The following CARMIL1 variants were observed in gnomAD, a reference collection of about 807,000 sequenced individuals.
CARMIL1 encodes the protein F-actin-uncapping protein LRRC16A.
A neutral mutation model predicts 177.1 loss-of-function variants in CARMIL1; 90 were observed. That is an observed-to-expected ratio of 0.51 (90% CI 0.43 to 0.61). The LOEUF (loss-of-function observed/expected upper bound fraction) is 0.61. CARMIL1 is among the 20% of genes least tolerant of loss of function. CARMIL1 has a pLI of 0.00. For synonymous variants in CARMIL1, 577 were observed against 606.2 expected (o/e 0.95, Z 0.71); for missense variants, 1,380 against 1,667.0 (o/e 0.83, Z 3.00).
intron 31 of CARMIL1, among the ~76,000 whole-genome samples, chr6:25,583,443 C>G (rs1813318498): frequency 6.8e-6 from 1 of 147,880 alleles, no homozygotes; most frequent in Non-Finnish European, 1.5e-5. Context: ...TCTGTGTAGG[C>G]AGGGCCTGTG....
intron 2 of CARMIL1, among the ~76,000 whole-genome samples, chr6:25,338,375 G>C (rs1360347074): frequency 1.3e-5 from 2 of 152,168 alleles, no homozygotes; most frequent in Non-Finnish European, 1.5e-5. Context: ...CTATGAGAGT[G>C]TGCTGCTAAG....
chr6:25,392,599 A>G (rs1472495905), intron 2 of CARMIL1, among the ~76,000 whole-genome samples: 1 of 152,126 alleles, frequency 6.6e-6, no homozygotes. Context: ...ACTCCAGGGG[A>G]TGGCTCAGAT....
At chr6:25,583,324 C>T (rs1463186551) in intron 31 of CARMIL1, among the ~76,000 whole-genome samples, 1 of 152,216 alleles carries the variant, frequency 6.6e-6, no homozygotes, top group Non-Finnish European at 1.5e-5. Flanking sequence ...GTGCACAGTG[C>T]ACAGCCTGAG....
At chr6:25,400,069 G>A (rs2150576088) in intron 2 of CARMIL1, among the ~76,000 whole-genome samples, 1 of 152,282 alleles carries the variant, frequency 6.6e-6, no homozygotes, top group East Asian at 1.9e-4. Context: ...GAGAAGCGCT[G>A]TACCATTCAC....
At chr6:25,434,742 G>A (rs1208635880) in intron 4 of CARMIL1, among the ~76,000 whole-genome samples, 3 of 151,806 alleles carry the variant, frequency 2.0e-5, no homozygotes, top group Non-Finnish European at 4.4e-5. Flanking sequence ...AGTAGAGACA[G>A]GGTTTCACCA....
chr6:25,281,397 A>G (rs1002217301), intron 1 of CARMIL1, among the ~76,000 whole-genome samples: 2 of 152,096 alleles, frequency 1.3e-5, no homozygotes, highest in African/African-American at 4.8e-5. Flanking sequence ...AGTGGGTGGC[A>G]GATTTTTACT....
In CARMIL1 at chr6:25,554,037, C is replaced by G; in HGVS notation, c.2533C>G (p.Leu845Val). 3.1e-6 allele frequency: 5 copies of G among 1,602,110 alleles called. No homozygotes were observed. The highest frequency in any genetic ancestry group is 4.3e-6 in the Non-Finnish European group (5 of 1,174,128). Residue 845 changes from leucine (L) to valine (V), a missense_variant, in exon 28 of 37, where the codon CTG becomes GTG. Physicochemically the swap from Leu to Val is conservative, Grantham distance 32. Coordinates refer to ENST00000329474, the MANE Select transcript of CARMIL1 (RefSeq NM_017640.6). The surrounding 1 kb of genome is among the most constrained non-coding windows in gnomAD (Gnocchi z 4.6). ...AGTAAAATTGACAGTGGCCTCGTTC[C>G]TGTCTGATAGAATTGTGGATGAAAT... ...SEVKLTVASF[L>V]SDRIVDEILD... is the part of the protein sequence containing the mutation.
At chr6:25,543,470 G>C (rs773277958) in intron 26 of CARMIL1, among the ~76,000 whole-genome samples, 1 of 152,058 alleles carries the variant, frequency 6.6e-6, no homozygotes, top group Non-Finnish European at 1.5e-5. Context: ...ACACTCCCCT[G>C]TTTTCCCTCT....
chr6:25,492,155 G>T, intron 15 of CARMIL1, 131 bp downstream of exon 15: 2 of 685,944 alleles, frequency 2.9e-6, no homozygotes, highest in South Asian at 1.9e-5. Flanking sequence ...CATTATCTAT[G>T]AATATTAGTC....
At chr6:25,437,167 T>C (rs1257336709) in intron 5 of CARMIL1, among the ~76,000 whole-genome samples, 1 of 152,184 alleles carries the variant, frequency 6.6e-6, no homozygotes, top group Non-Finnish European at 1.5e-5. Flanking sequence ...TTTGTACATG[T>C]GTTTCTTTAT....
intron 2 of CARMIL1, among the ~76,000 whole-genome samples, chr6:25,416,480 G>A (rs1284103197): frequency 6.6e-6 from 1 of 152,220 alleles, no homozygotes; most frequent in Non-Finnish European, 1.5e-5. Context: ...ATAGGGTGCT[G>A]TGAGGATTAA....
intron 2 of CARMIL1, among the ~76,000 whole-genome samples, chr6:25,328,444 C>T (rs9393640): frequency 0.067 from 10,259 of 152,198 alleles, 520 homozygotes; most frequent in East Asian, 0.29. Context: ...AGAGCATGAG[C>T]TCTGTGGACA....
At chr6:25,435,652 T>C (rs1425766877) in intron 5 of CARMIL1, 48 bp downstream of exon 5, 34 of 1,521,668 alleles carry the variant, frequency 2.2e-5, no homozygotes, top group Non-Finnish European at 3.0e-5. Flanking sequence ...CTGTTCTTCC[T>C]CAAAACGGCA....
chr6:25,345,936 T>C (rs1787463966), intron 2 of CARMIL1, among the ~76,000 whole-genome samples: 1 of 152,220 alleles, frequency 6.6e-6, no homozygotes, highest in Non-Finnish European at 1.5e-5. Flanking sequence ...TCTTGATTTC[T>C]CTTTCTCACA....
chr6:25,452,180 T>A (rs777320250), intron 8 of CARMIL1: 4 of 764,614 alleles, frequency 5.2e-6, no homozygotes, highest in Non-Finnish European at 9.6e-6. Flanking sequence ...CTCAGCTGTG[T>A]CTGTAGTTGT....
Position 25,371,387 on chromosome 6 carries a change from G to GT in CARMIL1, c.139-48726dup, listed in dbSNP as rs565742890. On this transcript the variant is annotated intron_variant, in intron 2 of 36. Coordinates refer to ENST00000329474, the MANE Select transcript of CARMIL1 (RefSeq NM_017640.6). ...ATTCCCACCAGCAGTGTATAAGTAA[G>GT]TGTTCTCTTTTTACCACATCCATGC... Among the ~76,000 whole-genome samples, 363 of 152,278 alleles carry GT rather than the reference G, an allele frequency of 2.4e-3. 1 individual carries two copies. Among genetic ancestry groups the GT allele is most frequent in the African/African-American group, 7.8e-3 (323 of 41,556 alleles).
rs1454836166 is a variant in CARMIL1, at chr6:25,594,000, C to T, written c.3007-415C>T. ...GTAATAGCATCTACTATGTTCCATCCTTAGCAGCCAGCCTCACCCACACAC... is the reference window on the plus strand; with the variant it reads ...GTAATAGCATCTACTATGTTCCATCTTTAGCAGCCAGCCTCACCCACACAC... On this transcript the variant is annotated intron_variant, in intron 31 of 36. Transcript: ENST00000329474. Among the ~76,000 whole-genome samples the T allele has an allele frequency of 2.0e-5, 3 of 152,182 alleles. No homozygotes were observed. The South Asian group carries it at 6.2e-4, about 31-fold the overall frequency.
intron 2 of CARMIL1, among the ~76,000 whole-genome samples, chr6:25,312,120 G>T (rs534571364): frequency 2.0e-5 from 3 of 152,150 alleles, no homozygotes; most frequent in African/African-American, 7.2e-5. Context: ...AAGACATCTT[G>T]TCAAGGTGAA....
At chr6:25,594,954 C>T (rs1309190021) in intron 32 of CARMIL1, among the ~76,000 whole-genome samples, 1 of 152,144 alleles carries the variant, frequency 6.6e-6, no homozygotes, top group Non-Finnish European at 1.5e-5. Flanking sequence ...TTGAGCTTCT[C>T]CTTGTTCATA....
Sources: allele counts gnomAD v4.1 joint callset (sites outside exome capture counted in the v4.1 genomes callset), GRCh38; gene constraint gnomAD v4.1.1; non-coding constraint Gnocchi (gnomAD v3.1); transcripts MANE v1.5; gene names NCBI Gene and HGNC (gene_info 2026-07-23, HGNC 2026-07-21).